Variants in CDK6 observed in about 807,000 individuals in gnomAD.
CDK6 encodes cyclin-dependent kinase 6.
Under a neutral mutation model 37.1 loss-of-function variants are expected in CDK6, and 6 were observed. That is an observed-to-expected ratio of 0.16 (90% CI 0.09 to 0.32). The LOEUF is 0.32. Ranked by LOEUF, CDK6 falls within the 10% of genes least tolerant of loss-of-function variation. The probability of loss-of-function intolerance (pLI) is 1.00; values close to 1 mark genes in which losing one functional copy is unlikely to be tolerated. For synonymous variants in CDK6, 160 were observed against 161.3 expected, an observed-to-expected ratio of 0.99 and a Z score of 0.06; for missense variants, 224 against 418.9, an observed-to-expected ratio of 0.53 and a Z score of 4.06.
At chr7:92,629,488 G>C (rs1796006143) in intron 5 of CDK6, among the ~76,000 whole-genome samples, 1 of 151,958 alleles carries the variant, frequency 6.6e-6, no homozygotes, top group Non-Finnish European at 1.5e-5. Flanking sequence ...AATTAAACTA[G>C]AACTCACCAA....
intron 3 of CDK6, among the ~76,000 whole-genome samples, chr7:92,733,861 T>C (rs1427102238): frequency 6.6e-6 from 1 of 152,124 alleles, no homozygotes; most frequent in Non-Finnish European, 1.5e-5. Flanking sequence ...TTTTTGAAAA[T>C]AAAAATATGT....
chr7:92,751,730 A>G (rs1199283406), intron 3 of CDK6, among the ~76,000 whole-genome samples: 1 of 152,202 alleles, frequency 6.6e-6, no homozygotes, highest in Non-Finnish European at 1.5e-5. Context: ...AAACAACAAT[A>G]TATTTTATGA....
chr7:92,812,402 A>AT (rs1800907715), intron 2 of CDK6, among the ~76,000 whole-genome samples: 1 of 151,050 alleles, frequency 6.6e-6, no homozygotes, highest in African/African-American at 2.5e-5. Flanking sequence ...CAGACTTTTA[A>AT]TTTAAATTTT....
intron 3 of CDK6, among the ~76,000 whole-genome samples, chr7:92,768,723 TAAAC>T (rs1398921478): frequency 6.6e-6 from 1 of 152,198 alleles, no homozygotes; most frequent in Non-Finnish European, 1.5e-5. Flanking sequence ...TCAAATGTGA[TAAAC>T]AGAGTATGAG....
In CDK6 at chr7:92,610,574, G is replaced by C. The variant is rs1795540894; in HGVS notation, c.*4566C>G. ...CAAGATAGAAATGCTTGAGATATAGGGATGTATTAAAATTGGGTTGTGAAT... is the reference window on the plus strand; with the variant it reads ...CAAGATAGAAATGCTTGAGATATAGCGATGTATTAAAATTGGGTTGTGAAT... On this transcript the variant is annotated 3_prime_UTR_variant, in exon 8 of 8. Transcript: ENST00000424848. 4.4e-6 allele frequency: 1 copy of C among 228,004 alleles called. No homozygotes were observed. The highest frequency in any genetic ancestry group is 1.8e-4 in the South Asian group (1 of 5,494). The allele number at this position is 228,004 out of a possible 1,614,324, so 14.1% of individuals were successfully genotyped here.
intron 2 of CDK6, among the ~76,000 whole-genome samples, chr7:92,782,163 C>A (rs1800008801): frequency 2.0e-5 from 3 of 152,108 alleles, no homozygotes; most frequent in Admixed American, 2.0e-4. Flanking sequence ...TTTTTAAAAG[C>A]TTTACTATCT....
At chr7:92,688,824 G>A (rs192739526) in intron 4 of CDK6, among the ~76,000 whole-genome samples, 2 of 152,244 alleles carry the variant, frequency 1.3e-5, no homozygotes, top group East Asian at 1.9e-4. Context: ...TTATAGCCCT[G>A]TAGCTTAGTT....
At chr7:92,817,452 A>C (rs1378891696) in intron 2 of CDK6, among the ~76,000 whole-genome samples, 3 of 151,910 alleles carry the variant, frequency 2.0e-5, no homozygotes, top group Admixed American at 6.6e-5. Flanking sequence ...TTCAGTACCC[A>C]ATCATGAAAA....
Position 92,605,245 on chromosome 7 carries a change from T to C in CDK6, c.*9895A>G, listed in dbSNP as rs1795399644. 2 of 233,500 alleles carry C rather than the reference T, an allele frequency of 8.6e-6. No homozygotes were observed. The highest frequency in any genetic ancestry group is 1.1e-4 in the Admixed American group (2 of 17,806). 14.5% of individuals were successfully genotyped at this position (233,500 alleles called of 1,614,324 possible). ...ACAATAAATACCTACATTTTCATTCTAGCACCCAGTAAGACATCCAGTTTC... is the reference window on the plus strand; with the variant it reads ...ACAATAAATACCTACATTTTCATTCCAGCACCCAGTAAGACATCCAGTTTC... On this transcript the variant is annotated 3_prime_UTR_variant, in exon 8 of 8. Coordinates refer to ENST00000424848, the MANE Select transcript of CDK6 (RefSeq NM_001145306.2).
chr7:92,813,619 C>A (rs1371485581), intron 2 of CDK6, among the ~76,000 whole-genome samples: 2 of 152,202 alleles, frequency 1.3e-5, no homozygotes, highest in Non-Finnish European at 2.9e-5. Context: ...CAGTACAGAG[C>A]TAGCTGCAGA....
At chr7:92,752,721 T>A (rs1274914559) in intron 3 of CDK6, among the ~76,000 whole-genome samples, 1 of 152,198 alleles carries the variant, frequency 6.6e-6, no homozygotes, top group Non-Finnish European at 1.5e-5. Flanking sequence ...TCATCATGAT[T>A]GATGTTATTA....
At chr7:92,775,291 T>A (rs766363958) in intron 2 of CDK6, among the ~76,000 whole-genome samples, 1 of 152,242 alleles carries the variant, frequency 6.6e-6, no homozygotes, top group Non-Finnish European at 1.5e-5. Context: ...GTCACAACCA[T>A]GTCTGTGAAA....
At chr7:92,636,579 GA>G (rs1796175428) in intron 5 of CDK6, among the ~76,000 whole-genome samples, 1 of 152,118 alleles carries the variant, frequency 6.6e-6, no homozygotes, top group Admixed American at 6.5e-5. Context: ...TCACTCATAA[GA>G]AATGAAACAG....
At chr7:92,670,747 T>C (rs1224451766) in intron 5 of CDK6, among the ~76,000 whole-genome samples, 2 of 152,136 alleles carry the variant, frequency 1.3e-5, no homozygotes, top group African/African-American at 2.4e-5. Flanking sequence ...TGTGTGGAGG[T>C]CCAGCCTCTT....
chr7:92,660,434 G>C (rs1035228463), intron 5 of CDK6, among the ~76,000 whole-genome samples: 1 of 152,182 alleles, frequency 6.6e-6, no homozygotes, highest in Non-Finnish European at 1.5e-5. Context: ...CAAAAGGTAG[G>C]TCTCTTTCAC....
At chr7:92,704,299 C>A (rs1797921751) in intron 4 of CDK6, among the ~76,000 whole-genome samples, 1 of 152,088 alleles carries the variant, frequency 6.6e-6, no homozygotes, top group South Asian at 2.1e-4. Context: ...GAAACTATAG[C>A]AAAACTTGAA....
At chr7:92,750,725 A>C (rs1799168907) in intron 3 of CDK6, among the ~76,000 whole-genome samples, 1 of 152,218 alleles carries the variant, frequency 6.6e-6, no homozygotes, top group Non-Finnish European at 1.5e-5. Context: ...CTGACAGAAC[A>C]ACTGGAATGC....
At position 92,774,753 on chromosome 7, in the gene CDK6, G is replaced by A. The variant is rs2115785043; in HGVS notation, c.312C>T (p.Asp104=). The A allele has an allele frequency of 6.2e-7, 1 of 1,613,002 alleles. No homozygotes were observed. The highest frequency in any genetic ancestry group is 1.1e-5 in the South Asian group (1 of 90,884). Residue 104 remains aspartate (D), a synonymous_variant, in exon 3 of 8, where the codon GAC becomes GAT. Coordinates refer to ENST00000424848, the MANE Select transcript of CDK6 (RefSeq NM_001145306.2). ...LTLVFEHVDQ[D]LTTYLDKVPE... is the part of the protein sequence containing the mutation. ...GAACTTTATCCAAGTAAGTGGTCAA[G>A]TCTTGATCGACATGTTCAAACACTA...
chr7:92,824,204 G>A (rs1235084366), intron 2 of CDK6, among the ~76,000 whole-genome samples: 1 of 150,618 alleles, frequency 6.6e-6, no homozygotes, highest in Non-Finnish European at 1.5e-5. Context: ...CTTCATTGCT[G>A]TGAATAGAAC....
Sources: gnomAD v4.1 joint callset for allele counts (sites outside exome capture counted in the v4.1 genomes callset) on GRCh38, gnomAD v4.1.1 for gene constraint, MANE v1.5 for transcripts, NCBI Gene and HGNC (gene_info 2026-07-23, HGNC 2026-07-21) for gene names.